Variants in RCL1 observed in about 807,000 individuals in gnomAD.
RCL1 encodes the protein RNA terminal phosphate cyclase like 1.
RCL1 carries 24 observed loss-of-function variants against 42.4 expected under a neutral mutation model. That is an observed-to-expected ratio of 0.57 (90% CI 0.41 to 0.80). The LOEUF is 0.80. RCL1 is among the 30% of genes least tolerant of loss of function. The pLI, the probability that RCL1 is intolerant of heterozygous loss-of-function variation, is 0.00. For missense variants in RCL1, 578 were observed against 467.9 expected, an observed-to-expected ratio of 1.24 and a Z score of -2.17; for synonymous variants, 228 against 177.3, an observed-to-expected ratio of 1.29 and a Z score of -2.27.
chr9:4,841,281 G>C lies in RCL1; in HGVS notation c.634G>C (p.Ala212Pro). Residue 212 changes from alanine to proline, a missense_variant, in exon 6 of 9, where the codon GCA (alanine) becomes CCA (proline). By Grantham distance (27) the Ala-to-Pro change is conservative. Transcript: ENST00000381750. ...PQMANRIVDS[A>P]RSILNKFIPD... is the part of the protein sequence containing the mutation. The stretch of plus-strand genomic sequence containing the variant: ...GATGGCGAACCGGATTGTGGATTCT[G>C]CAAGGAGCATCCTCAACAAGTTCAT... The C allele has an allele frequency of 6.2e-7, 1 of 1,612,912 alleles. No individual in the cohort carries two copies. The highest frequency in any genetic ancestry group is 8.5e-7 in the Non-Finnish European group (1 of 1,178,918).
chr9:4,855,508 G>T (rs1329875713), intron 8 of RCL1, among the ~76,000 whole-genome samples: 11 of 152,216 alleles, frequency 7.2e-5, no homozygotes, highest in African/African-American at 2.4e-4. Context: ...CTGTTGGGCT[G>T]TGGAGCAGGA....
rs569511035 is a variant in RCL1 at position 4,813,261 on chromosome 9, G to C, written c.137-10287G>C. On this transcript the variant is annotated intron_variant, in intron 1 of 8. Transcript: ENST00000381750. ...AGAGTGAACAGGCAACCTACAGAAT[G>C]GGAGAAAATTTTTGCAATCTACCCA... is the stretch of plus-strand genomic sequence containing the variant. Among the ~76,000 whole-genome samples, 245 of 152,254 alleles carry C rather than the reference G, an allele frequency of 1.6e-3. 1 individual carries two copies. The highest frequency in any genetic ancestry group is 3.6e-3 in the Admixed American group (55 of 15,284).
intron 8 of RCL1, among the ~76,000 whole-genome samples, chr9:4,851,520 A>G (rs1177656693): frequency 6.6e-6 from 1 of 152,246 alleles, no homozygotes; most frequent in African/African-American, 2.4e-5. Context: ...GCAGCAGGCA[A>G]AGTTAACATT....
intron 4 of RCL1, among the ~76,000 whole-genome samples, chr9:4,833,667 A>G (rs1038497722): frequency 9.8e-5 from 15 of 152,338 alleles, no homozygotes; most frequent in Admixed American, 7.2e-4. Context: ...TAGTTTAAGC[A>G]TCTGTATTTT....
intron 8 of RCL1, among the ~76,000 whole-genome samples, chr9:4,854,648 G>T (rs1817871225): frequency 6.6e-6 from 1 of 152,140 alleles, no homozygotes; most frequent in South Asian, 2.1e-4. Flanking sequence ...TTTAAGGGTG[G>T]GATCTGGCAG....
At chr9:4,842,788 G>T (rs907194505) in intron 6 of RCL1, among the ~76,000 whole-genome samples, 1 of 152,256 alleles carries the variant, frequency 6.6e-6, no homozygotes, top group South Asian at 2.1e-4. Context: ...ATTTCCGAGG[G>T]ATGGGGGAGG....
At chr9:4,826,206 G>A (rs755826333) in intron 2 of RCL1, among the ~76,000 whole-genome samples, 12 of 152,178 alleles carry the variant, frequency 7.9e-5, no homozygotes, top group South Asian at 2.1e-4. Flanking sequence ...TGATCATGCC[G>A]CTGTACTCCA....
chr9:4,810,052 A>C (rs1162285664), intron 1 of RCL1, among the ~76,000 whole-genome samples: 1 of 152,132 alleles, frequency 6.6e-6, no homozygotes, highest in Non-Finnish European at 1.5e-5. Flanking sequence ...CCTGGCCTCA[A>C]GTGATCCTCA....
intron 5 of RCL1, 89 bp from the exon 6 acceptor site, chr9:4,841,143 A>G (rs1817303257): frequency 1.4e-6 from 2 of 1,427,042 alleles, no homozygotes; most frequent in Non-Finnish European, 9.8e-7. Context: ...GTTTGTTACT[A>G]CAGTTCCACA....
intron 8 of RCL1, 48 bp from the exon 9 acceptor site, chr9:4,860,077 T>G (rs1198676038): frequency 7.4e-7 from 1 of 1,355,940 alleles, no homozygotes; most frequent in Non-Finnish European, 9.9e-7. Flanking sequence ...ATAATTTTTT[T>G]TTGAATGAAT....
At chr9:4,832,930 CCA>C (rs950069398) in intron 3 of RCL1, among the ~76,000 whole-genome samples, 2 of 151,904 alleles carry the variant, frequency 1.3e-5, no homozygotes, top group African/African-American at 4.8e-5. Context: ...GTGTTGGTCT[CCA>C]TGTCATGAAT....
intron 8 of RCL1, chr9:4,850,493 C>CTTT (rs35181848): frequency 0.19 from 25,645 of 136,402 alleles, 3,514 homozygotes; most frequent in East Asian, 0.38. Flanking sequence ...TTTTTTTTTT[C>CTTT]TTTTTTTTTT....
At chr9:4,814,438 T>C (rs1399831276) in intron 1 of RCL1, among the ~76,000 whole-genome samples, 2 of 152,108 alleles carry the variant, frequency 1.3e-5, no homozygotes, top group South Asian at 2.1e-4. Flanking sequence ...GCCCGGCTTT[T>C]GTATTTTTTG....
At chr9:4,835,667 G>A (rs1006904789) in intron 5 of RCL1, among the ~76,000 whole-genome samples, 2 of 152,238 alleles carry the variant, frequency 1.3e-5, no homozygotes, top group African/African-American at 4.8e-5. Flanking sequence ...AAAGTAATGA[G>A]CTGATTAAAA....
At chr9:4,837,613 C>T (rs75865190) in intron 5 of RCL1, among the ~76,000 whole-genome samples, 2 of 152,122 alleles carry the variant, frequency 1.3e-5, no homozygotes, top group Admixed American at 6.5e-5. Context: ...ACAGTGGGGT[C>T]CCCCTTGTTC....
At chr9:4,851,014 T>C (rs1008473386) in intron 8 of RCL1, among the ~76,000 whole-genome samples, 1 of 152,168 alleles carries the variant, frequency 6.6e-6, no homozygotes, top group African/African-American at 2.4e-5. Flanking sequence ...ATATATGTTT[T>C]TTTTCGTGAC....
chr9:4,850,783 C>T (rs1817716862), intron 8 of RCL1, among the ~76,000 whole-genome samples: 1 of 152,076 alleles, frequency 6.6e-6, no homozygotes. Context: ...GGTACAGAGA[C>T]TCGCTTCCTG....
chr9:4,849,707 T>G (rs1308219545), intron 8 of RCL1, among the ~76,000 whole-genome samples, 157 bp downstream of exon 8: 1 of 152,238 alleles, frequency 6.6e-6, no homozygotes, highest in Non-Finnish European at 1.5e-5. Context: ...AACCTGGTGT[T>G]TATTTTTACA....
At position 4,841,342 on chromosome 9, in the gene RCL1, G is replaced by C. The variant is rs942109708; in HGVS notation, c.695G>C (p.Gly232Ala). The stretch of plus-strand genomic sequence containing the variant: ...TATATTTACACAGATCACATGAAAG[G>C]AGTCAACTCTGGGAAGTAAGTATCT... ...DIYIYTDHMK[G>A]VNSGKSPGFG... Residue 232 changes from glycine (G) to alanine (A), a missense_variant, in exon 6 of 9, where the codon GGA becomes GCA. Gly to Ala is a moderately conservative substitution (Grantham distance 60). Coordinates refer to ENST00000381750, the MANE Select transcript of RCL1 (RefSeq NM_005772.5). 1 of 1,612,428 alleles carries C rather than the reference G, an allele frequency of 6.2e-7. No homozygotes were observed. Among genetic ancestry groups the C allele is most frequent in the African/African-American group, 1.3e-5 (1 of 74,878 alleles).
Sources: allele counts gnomAD v4.1 joint callset (sites outside exome capture counted in the v4.1 genomes callset), GRCh38; gene constraint gnomAD v4.1.1; transcripts MANE v1.5; gene names NCBI Gene and HGNC (gene_info 2026-07-23, HGNC 2026-07-21).